PDIA5: variants seen among roughly 807,000 people sequenced by gnomAD.
PDIA5 encodes the protein protein disulfide-isomerase A5.
In PDIA5, 58 loss-of-function variants were observed where a neutral mutation model predicts 77.6. That is an observed-to-expected ratio of 0.75 (90% CI 0.61 to 0.93). PDIA5 has a LOEUF of 0.93. Ranked by LOEUF, PDIA5 falls within the 40% of genes least tolerant of loss-of-function variation. The probability of loss-of-function intolerance (pLI) is 0.00; values close to 1 mark genes in which losing one functional copy is unlikely to be tolerated. For synonymous variants in PDIA5, 250 were observed against 252.1 expected (o/e 0.99, Z 0.08); for missense variants, 630 against 647.7 (o/e 0.97, Z 0.30).
At chr3:123,092,257 G>T (rs1223156417) in intron 2 of PDIA5, 98 bp from the exon 3 acceptor site, 7 of 929,104 alleles carry the variant, frequency 7.5e-6, no homozygotes, top group Non-Finnish European at 1.2e-5. Flanking sequence ...ACCCCCTCTA[G>T]GATTGGTCTC....
chr3:123,116,367 G>GGT, intron 8 of PDIA5, 69 bp downstream of exon 8: 2 of 1,119,342 alleles, frequency 1.8e-6, no homozygotes, highest in Non-Finnish European at 2.7e-6. Flanking sequence ...GGTGCCAGGG[G>GGT]TGGGGTGGGG....
At position 123,148,115 on chromosome 3, in the gene PDIA5, G is replaced by A. The variant is rs531058536; in HGVS notation, c.1142+1856G>A. On this transcript the variant is annotated intron_variant, in intron 13 of 16. Coordinates refer to ENST00000316218, the MANE Select transcript of PDIA5 (RefSeq NM_006810.4). ...GGGCTTTGGAGTCTGAGAGACCTGG[G>A]CTGAGATCGTGACCCTGAGCCATTT... 5.0e-4 allele frequency among the ~76,000 whole-genome samples: 76 copies of A among 152,306 alleles called. 1 individual carries two copies. The highest frequency in any genetic ancestry group is 1.4e-3 in the African/African-American group (58 of 41,548).
intron 11 of PDIA5, chr3:123,144,500 G>T (rs747148093): frequency 2.0e-5 from 3 of 152,216 alleles, no homozygotes; most frequent in Non-Finnish European, 2.9e-5. Context: ...AAATGTCAAG[G>T]TCTGTCATTT....
At chr3:123,144,744 C>G (rs767341215) in intron 11 of PDIA5, 2 of 152,010 alleles carry the variant, frequency 1.3e-5, no homozygotes, top group Non-Finnish European at 2.9e-5. Flanking sequence ...AAAAATTAGC[C>G]GGGCGTGGTG....
Position 123,130,516 on chromosome 3 carries a change from C to G in PDIA5, c.810C>G (p.Pro270=). 6.2e-7 allele frequency: 1 copy of G among 1,614,126 alleles called. No individual in the cohort carries two copies. Among genetic ancestry groups the G allele is most frequent in the Non-Finnish European group, 8.5e-7 (1 of 1,179,966 alleles). ...CACAGCCCCAGGTCCCTGAGACTCC[C>G]TGGGCAGATGAGGGCGGCTCCGTTT... is the stretch of plus-strand genomic sequence containing the variant. ...QPPQPQVPET[P]WADEGGSVYH... The change falls in exon 11 of 17, where the codon CCC becomes CCG. Residue 270 remains proline, a synonymous_variant. Transcript: ENST00000316218.
At chr3:123,152,051 G>T (rs36195540) in intron 14 of PDIA5, among the ~76,000 whole-genome samples, 39 of 89,284 alleles carry the variant, frequency 4.4e-4, no homozygotes, top group East Asian at 9.9e-4. Flanking sequence ...CTTCCTGCCT[G>T]CCTTCCTTCC....
At chr3:123,147,504 AG>A (rs905315659) in intron 13 of PDIA5, among the ~76,000 whole-genome samples, 12 of 152,236 alleles carry the variant, frequency 7.9e-5, no homozygotes, top group African/African-American at 2.9e-4. Context: ...TCTTTTATTC[AG>A]GAAGTGTGAA....
At chr3:123,106,664 A>G in intron 5 of PDIA5, 85 bp from the exon 6 acceptor site, 2 of 927,814 alleles carry the variant, frequency 2.2e-6, no homozygotes, top group South Asian at 1.4e-5. Context: ...GTCTCCAGGC[A>G]GGGAAAGAGG....
chr3:123,147,074 G>C (rs1935791661), intron 13 of PDIA5, among the ~76,000 whole-genome samples: 1 of 152,152 alleles, frequency 6.6e-6, no homozygotes, highest in Non-Finnish European at 1.5e-5. Flanking sequence ...GCCTCCCAAA[G>C]TGCTAGGATT....
intron 8 of PDIA5, among the ~76,000 whole-genome samples, chr3:123,117,374 T>TTTTATATA (rs1553800660): frequency 1.0e-4 from 8 of 79,876 alleles, no homozygotes; most frequent in South Asian, 5.8e-4. Context: ...TTCTATGATT[T>TTTTATATA]TATATATATA....
Position 123,150,335 on chromosome 3 carries a change from A to G in PDIA5, c.1244A>G (p.Lys415Arg). 6.2e-7 allele frequency: 1 copy of G among 1,613,920 alleles called. No homozygotes were observed. ...TTCCGGGAGACCCTGAAGAAGAAGAAACACACCTTGGTCATGTTCTACGCC... is the reference window on the plus strand; with the variant it reads ...TTCCGGGAGACCCTGAAGAAGAAGAGACACACCTTGGTCATGTTCTACGCC... ...DNFRETLKKKKHTLVMFYAPW... is the reference protein window; with the variant it reads ...DNFRETLKKKRHTLVMFYAPW... Residue 415 changes from lysine (K) to arginine (R), a missense_variant, in exon 14 of 17, where the codon AAA becomes AGA. Lys to Arg is a conservative substitution (Grantham distance 26). Transcript: ENST00000316218.
chr3:123,100,552 G>C (rs900329317), intron 3 of PDIA5, among the ~76,000 whole-genome samples: 1 of 152,190 alleles, frequency 6.6e-6, no homozygotes, highest in Non-Finnish European at 1.5e-5. Flanking sequence ...TGTTTGCCAG[G>C]CCCATGGCTG....
At chr3:123,126,253 C>G (rs372291986) in intron 10 of PDIA5, among the ~76,000 whole-genome samples, 17 of 152,070 alleles carry the variant, frequency 1.1e-4, no homozygotes, top group Non-Finnish European at 2.5e-4. Flanking sequence ...CCGGCTCCCC[C>G]ACCCGCATTG....
intron 1 of PDIA5, 121 bp from the exon 2 acceptor site, chr3:123,089,047 T>G (rs946450277): frequency 2.2e-5 from 19 of 850,106 alleles, no homozygotes; most frequent in Admixed American, 5.1e-5. Context: ...GCATGAGATG[T>G]GTTGGTTTGC....
intron 8 of PDIA5, 32 bp downstream of exon 8, chr3:123,116,330 G>T (rs1364525010): frequency 3.2e-6 from 5 of 1,586,090 alleles, no homozygotes; most frequent in South Asian, 1.1e-5. Flanking sequence ...GGCAGGGCTG[G>T]GTCACTCTTG....
chr3:123,156,062 C>T (rs182493527), intron 15 of PDIA5, among the ~76,000 whole-genome samples: 19 of 152,200 alleles, frequency 1.2e-4, no homozygotes, highest in Admixed American at 6.5e-4. Context: ...TTGATCAAGG[C>T]CAACAGGAGG....
chr3:123,137,988 C>G (rs1403693907), intron 11 of PDIA5, among the ~76,000 whole-genome samples: 1 of 152,192 alleles, frequency 6.6e-6, no homozygotes, highest in Non-Finnish European at 1.5e-5. Context: ...CTCTGTCACC[C>G]AGGCTGGAAT....
rs146474354 is a variant in PDIA5, at chr3:123,148,199, T to C, written c.1142+1940T>C. ...TAAGATGGAGACAGTAATTTCCCCA[T>C]AGACTTGTCTAGGGAATTAAATGAG... is the stretch of plus-strand genomic sequence containing the variant. On this transcript the variant is annotated intron_variant, in intron 13 of 16. Coordinates refer to ENST00000316218, the MANE Select transcript of PDIA5 (RefSeq NM_006810.4). Among the ~76,000 whole-genome samples, 4 of 152,238 alleles carry C rather than the reference T, an allele frequency of 2.6e-5. No homozygotes were observed. In the East Asian group the frequency reaches 7.7e-4, roughly 29 times the overall value.
intron 2 of PDIA5, among the ~76,000 whole-genome samples, chr3:123,089,966 G>A (rs960367685): frequency 6.6e-6 from 1 of 152,258 alleles, no homozygotes; most frequent in Non-Finnish European, 1.5e-5. Flanking sequence ...TGACTCTGTT[G>A]AAGTTGTTCC....
Sources: allele counts gnomAD v4.1 joint callset (sites outside exome capture counted in the v4.1 genomes callset), GRCh38; gene constraint gnomAD v4.1.1; transcripts MANE v1.5; gene names NCBI Gene and HGNC (gene_info 2026-07-23, HGNC 2026-07-21).